C6orf52: variants seen among roughly 807,000 people sequenced by gnomAD.
The protein encoded by C6orf52 is putative uncharacterized protein C6orf52.
C6orf52 carries 16 observed loss-of-function variants against 16.6 expected under a neutral mutation model. That is an observed-to-expected ratio of 0.96 (90% CI 0.65 to 1.46). The LOEUF (loss-of-function observed/expected upper bound fraction) is 1.46, where lower values mean the gene tolerates loss of function less well. Ranked by LOEUF, C6orf52 falls within the 40% of genes most tolerant of loss-of-function variation. C6orf52 has a pLI of 0.00. For synonymous variants in C6orf52, 53 were observed against 61.4 expected (o/e 0.86, Z 0.64); for missense variants, 166 against 182.3 (o/e 0.91, Z 0.52).
Position 10,687,538 on chromosome 6 carries a change from C to G in C6orf52, c.13G>C (p.Glu5Gln), listed in dbSNP as rs373937524. 3.2e-5 allele frequency: 50 copies of G among 1,550,574 alleles called. No homozygotes were observed. In the African/African-American group the frequency reaches 6.4e-4, roughly 20 times the overall value. The change falls in exon 2 of 5, where the codon GAG (glutamate) becomes CAG (glutamine). Residue 5 changes from glutamate to glutamine, a missense_variant. Coordinates refer to ENST00000259983, the MANE Select transcript of C6orf52 (RefSeq NM_001145020.3). MAQP[E>Q]SSADFGIAQQ... ...GCTATGCCAAAATCTGCAGAACTCTCTGGTTGGGCCATTTACCCAGAAACT... is the reference window on the plus strand; with the variant it reads ...GCTATGCCAAAATCTGCAGAACTCTGTGGTTGGGCCATTTACCCAGAAACT...
chr6:10,678,871 G>T (rs1272597778), intron 4 of C6orf52, among the ~76,000 whole-genome samples: 1 of 152,124 alleles, frequency 6.6e-6, no homozygotes, highest in East Asian at 1.9e-4. Context: ...GAGGCAGGAA[G>T]ATCATGAGGT....
At chr6:10,690,108 GAAGA>G (rs1393605721) in intron 1 of C6orf52, among the ~76,000 whole-genome samples, 3 of 152,152 alleles carry the variant, frequency 2.0e-5, no homozygotes, top group Non-Finnish European at 2.9e-5. Flanking sequence ...GGAGGCTGAG[GAAGA>G]GAGAGGTCAA....
intron 4 of C6orf52, among the ~76,000 whole-genome samples, chr6:10,677,362 C>G (rs1767984913): frequency 6.6e-6 from 1 of 151,814 alleles, no homozygotes; most frequent in African/African-American, 2.4e-5. Context: ...CTATTCTGTT[C>G]CATTGGTTTA....
chr6:10,689,600 G>C (rs1031475013), intron 1 of C6orf52, among the ~76,000 whole-genome samples: 2 of 152,194 alleles, frequency 1.3e-5, no homozygotes, highest in Admixed American at 6.5e-5. Context: ...TGGCTAAGAA[G>C]ATGTAAACAG....
At chr6:10,677,001 C>CAGA (rs1767957271) in intron 4 of C6orf52, among the ~76,000 whole-genome samples, 1 of 152,192 alleles carries the variant, frequency 6.6e-6, no homozygotes, top group African/African-American at 2.4e-5. Flanking sequence ...CTTTGCTGTA[C>CAGA]AGAAGCTTTT....
At chr6:10,683,834 T>C (rs1011239921) in intron 3 of C6orf52, among the ~76,000 whole-genome samples, 1 of 152,212 alleles carries the variant, frequency 6.6e-6, no homozygotes, top group Non-Finnish European at 1.5e-5. Flanking sequence ...ACCCAGACCC[T>C]GTTGGCTCTA....
At chr6:10,684,433 T>A (rs1014576335) in intron 3 of C6orf52, among the ~76,000 whole-genome samples, 2 of 152,240 alleles carry the variant, frequency 1.3e-5, no homozygotes, top group African/African-American at 4.8e-5. Flanking sequence ...TCAGTGTGTG[T>A]TCTGGTAAAT....
chr6:10,675,657 CTCT>C (rs772883802), intron 4 of C6orf52, among the ~76,000 whole-genome samples: 4 of 152,210 alleles, frequency 2.6e-5, no homozygotes, highest in Non-Finnish European at 5.9e-5. Flanking sequence ...TATGCAAGGG[CTCT>C]TTTCTTCACA....
chr6:10,693,108 T>C (rs1042690262), intron 1 of C6orf52, among the ~76,000 whole-genome samples: 1 of 152,230 alleles, frequency 6.6e-6, no homozygotes, highest in Non-Finnish European at 1.5e-5. Flanking sequence ...CTGCGGGACA[T>C]GCTCACAGGC....
chr6:10,674,180 G>A (rs1439248155), intron 4 of C6orf52, among the ~76,000 whole-genome samples: 3 of 151,970 alleles, frequency 2.0e-5, no homozygotes, highest in East Asian at 3.9e-4. Flanking sequence ...ACTTTTATAA[G>A]GTCACCATTT....
chr6:10,674,810 A>ATT (rs1187713282), intron 4 of C6orf52: 3,014 of 139,010 alleles, frequency 0.022, 95 homozygotes, highest in African/African-American at 0.066. Flanking sequence ...TATACAATAC[A>ATT]TTTTTTTTTT....
intron 1 of C6orf52, among the ~76,000 whole-genome samples, chr6:10,692,147 G>C (rs1383418681): frequency 1.3e-5 from 2 of 152,184 alleles, no homozygotes; most frequent in African/African-American, 4.8e-5. Context: ...GCATGATTTT[G>C]AAAGTTTTAG....
rs1218364360 is a variant in C6orf52 at position 10,671,444 on chromosome 6, G to A, written c.*12C>T. On this transcript the variant is annotated 3_prime_UTR_variant, in exon 5 of 5. Transcript: ENST00000259983. ...TAGTATGATAATTGCGGAGTTTAAT[G>A]AACACCTTGCTTCACTTCGGGGTCT... The A allele has an allele frequency of 1.3e-6, 2 of 1,523,934 alleles. No individual in the cohort carries two copies. The highest frequency in any genetic ancestry group is 2.4e-5 in the Admixed American group (1 of 42,332). 94.4% of individuals were successfully genotyped at this position (1,523,934 alleles called of 1,614,324 possible).
At chr6:10,673,676 T>C (rs1217530080) in intron 4 of C6orf52, among the ~76,000 whole-genome samples, 1 of 152,176 alleles carries the variant, frequency 6.6e-6, no homozygotes, top group Non-Finnish European at 1.5e-5. Context: ...TAAAAGTCTA[T>C]TGCTTCCCGG....
intron 1 of C6orf52, among the ~76,000 whole-genome samples, chr6:10,693,356 GCTGA>G (rs1769528317): frequency 6.6e-6 from 1 of 152,226 alleles, no homozygotes; most frequent in African/African-American, 2.4e-5. Flanking sequence ...TTGTCTCCAT[GCTGA>G]CTTTTCTTCG....
intron 4 of C6orf52, among the ~76,000 whole-genome samples, chr6:10,675,101 G>A (rs1767767679): frequency 6.6e-6 from 1 of 152,102 alleles, no homozygotes; most frequent in South Asian, 2.1e-4. Flanking sequence ...AAGCCACCGT[G>A]CCCAGCCTAC....
intron 4 of C6orf52, among the ~76,000 whole-genome samples, chr6:10,676,041 G>A (rs1767848106): frequency 6.6e-6 from 1 of 152,066 alleles, no homozygotes; most frequent in African/African-American, 2.4e-5. Context: ...CTGAGACTGG[G>A]TTCATTTGAA....
chr6:10,688,158 G>T (rs1769014501), intron 1 of C6orf52, among the ~76,000 whole-genome samples: 1 of 151,740 alleles, frequency 6.6e-6, no homozygotes. Flanking sequence ...ACATTAATGA[G>T]AGTACAGGAT....
At chr6:10,683,073 C>A (rs1363642379) in intron 4 of C6orf52, 114 bp downstream of exon 4, 6 of 666,268 alleles carry the variant, frequency 9.0e-6, no homozygotes, top group Non-Finnish European at 1.5e-5. Context: ...ATGGCTTAGG[C>A]AACCTACATT....
Sources: gnomAD v4.1 joint callset for allele counts (sites outside exome capture counted in the v4.1 genomes callset) on GRCh38, gnomAD v4.1.1 for gene constraint, MANE v1.5 for transcripts, NCBI Gene and HGNC (gene_info 2026-07-23, HGNC 2026-07-21) for gene names.